The following FREM1 variants were observed in gnomAD, a reference collection of about 807,000 sequenced individuals.
FREM1 encodes FRAS1 related extracellular matrix 1.
FREM1 carries 220 observed loss-of-function variants against 210.1 expected under a neutral mutation model. That is an observed-to-expected ratio of 1.05 (90% CI 0.94 to 1.17). The LOEUF (loss-of-function observed/expected upper bound fraction) is 1.17, where lower values mean the gene tolerates loss of function less well. Ranked by LOEUF, FREM1 falls within the 50% of genes most tolerant of loss-of-function variation. The probability of loss-of-function intolerance (pLI) is 0.00; values close to 1 mark genes in which losing one functional copy is unlikely to be tolerated. For missense variants in FREM1, 3,454 were observed against 2,675.5 expected, an observed-to-expected ratio of 1.29 and a Z score of -6.42; for synonymous variants, 1,189 against 980.2, an observed-to-expected ratio of 1.21 and a Z score of -3.98.
chr9:14,796,684 G>T (rs1852456977), intron 21 of FREM1, among the ~76,000 whole-genome samples: 1 of 152,098 alleles, frequency 6.6e-6, no homozygotes, highest in Non-Finnish European at 1.5e-5. Context: ...AAGATCTGAT[G>T]GTTTTATAAG....
At chr9:14,739,830 ATAATT>A (rs534700759) in intron 36 of FREM1, among the ~76,000 whole-genome samples, 81 of 152,132 alleles carry the variant, frequency 5.3e-4, no homozygotes, top group African/African-American at 1.8e-3. Flanking sequence ...TGGCTGTACT[ATAATT>A]TATTTAACCA....
rs945940328 is a variant in FREM1 at position 14,867,533 on chromosome 9, C to T, written c.234+1211G>A. Among the ~76,000 whole-genome samples, 7 of 152,200 alleles carry T rather than the reference C, an allele frequency of 4.6e-5. No individual in the cohort carries two copies. The East Asian group carries it at 7.7e-4, about 17-fold the overall frequency. ...TCAGAAATACCTGCAAAGTGAGACC[C>T]TCTTCCAAAGAATTCTGATGTGTTT... On this transcript the variant is annotated intron_variant, in intron 2 of 36. Transcript: ENST00000380880.
chr9:14,836,716 C>T lies in FREM1; in HGVS notation c.1881+4731G>A, dbSNP rs112438314. Among the ~76,000 whole-genome samples, 3 of 152,128 alleles carry T rather than the reference C, an allele frequency of 2.0e-5. No individual in the cohort carries two copies. Among genetic ancestry groups the T allele is most frequent in the African/African-American group, 4.8e-5 (2 of 41,430 alleles). Reference sequence around the variant, plus strand: ...CTCCAAATGGTGCTGCAAACTGAACCGCATGTGGACATGCCATTCTTCCGA... The same window carrying T: ...CTCCAAATGGTGCTGCAAACTGAACTGCATGTGGACATGCCATTCTTCCGA... On this transcript the variant is annotated intron_variant, in intron 10 of 36. Transcript: ENST00000380880. The surrounding 1 kb of genome is among the most constrained non-coding windows in gnomAD (Gnocchi z 4.9).
Position 14,759,874 on chromosome 9 carries a change from T to C in FREM1, c.5232A>G (p.Glu1744=), listed in dbSNP as rs368128830. ...QILELKWSHI[E]WSQTEYEVCE... Reference sequence around the variant, plus strand: ...AGACTTCATATTCGGTCTGTGACCATTCAATATGAGACCACTTCAGTTCCA... The same window carrying C: ...AGACTTCATATTCGGTCTGTGACCACTCAATATGAGACCACTTCAGTTCCA... The change falls in exon 28 of 37, where the codon GAA becomes GAG. Residue 1744 remains glutamate, a synonymous_variant. Coordinates refer to ENST00000380880, the MANE Select transcript of FREM1 (RefSeq NM_001379081.2). 30 of 1,611,662 alleles carry C rather than the reference T, an allele frequency of 1.9e-5. No homozygotes were observed. In the African/African-American group the frequency reaches 3.3e-4, roughly 18 times the overall value.
intron 1 of FREM1, 123 bp from the exon 2 acceptor site, chr9:14,869,367 A>G (rs1461321559): frequency 5.8e-6 from 1 of 173,338 alleles, no homozygotes; most frequent in East Asian, 1.4e-4. Context: ...GCTAAATTAA[A>G]AACAAATAAA....
chr9:14,866,453 G>A (rs1831536723), intron 2 of FREM1, among the ~76,000 whole-genome samples: 1 of 152,154 alleles, frequency 6.6e-6, no homozygotes, highest in Non-Finnish European at 1.5e-5. Flanking sequence ...GCCATTTGAG[G>A]TAGGGAGAGG....
Position 14,801,888 on chromosome 9 carries a change from C to T in FREM1, c.3472-14G>A. 6.3e-7 allele frequency: 1 copy of T among 1,579,508 alleles called. No individual in the cohort carries two copies. The highest frequency in any genetic ancestry group is 8.6e-7 in the Non-Finnish European group (1 of 1,158,584). ...ACCCTCACACACCTGAGCAAGAACA[C>T]ATGAGAAAAGTCAACAATGCATAAA... On this transcript the variant is annotated splice_polypyrimidine_tract_variant and intron_variant, in intron 19 of 36. Coordinates refer to ENST00000380880, the MANE Select transcript of FREM1 (RefSeq NM_001379081.2).
At chr9:14,766,903 C>T (rs184724616) in intron 27 of FREM1, among the ~76,000 whole-genome samples, 1 of 152,286 alleles carries the variant, frequency 6.6e-6, no homozygotes. Context: ...TAGAGGCAGG[C>T]TTTCTAATCC....
chr9:14,748,587 C>T lies in FREM1; in HGVS notation c.5610G>A (p.Glu1870=), dbSNP rs762667136. 2.5e-6 allele frequency: 4 copies of T among 1,613,770 alleles called. No individual in the cohort carries two copies. Among genetic ancestry groups the T allele is most frequent in the Non-Finnish European group, 3.4e-6 (4 of 1,179,824 alleles). Residue 1870 remains glutamate, a synonymous_variant, in exon 31 of 37, where the codon GAG becomes GAA. Coordinates refer to ENST00000380880, the MANE Select transcript of FREM1 (RefSeq NM_001379081.2). The part of the protein sequence containing the change: ...SSNQSKHSTW[E]KGIWHLLPPG... ...GGGGCAGCAGATGCCAAATGCCCTT[C>T]TCCCATGTGCTGTGCTTGCTTTGGT... is the stretch of plus-strand genomic sequence containing the variant.
In FREM1 at chr9:14,770,914, C is replaced by G. The variant is rs968014922; in HGVS notation, c.4858-108G>C. 31 of 720,602 alleles carry G rather than the reference C, an allele frequency of 4.3e-5. No homozygotes were observed. In the Admixed American group the frequency reaches 7.4e-4, roughly 17 times the overall value. The allele number at this position is 720,602 out of a possible 1,614,324, so 44.6% of individuals were successfully genotyped here. On this transcript the variant is annotated intron_variant, in intron 25 of 36. Coordinates refer to ENST00000380880, the MANE Select transcript of FREM1 (RefSeq NM_001379081.2). ...ACACACTGTCCCACGTTTTGGATTC[C>G]TTATACTCCTCACTAGTGGATTCCT... is the stretch of plus-strand genomic sequence containing the variant.
At position 14,816,923 on chromosome 9, in the gene FREM1, T is replaced by C. The variant is rs1212511453; in HGVS notation, c.2547-52A>G. 16 of 611,264 alleles carry C rather than the reference T, an allele frequency of 2.6e-5. No individual in the cohort carries two copies. In the South Asian group the frequency reaches 4.8e-4, roughly 18 times the overall value. 37.9% of individuals were successfully genotyped at this position (611,264 alleles called of 1,614,324 possible). ...CTCTTAGGAACAGTGTGAGAGTAAA[T>C]TGAGATGCATGATACATGAGCTCTT... On this transcript the variant is annotated intron_variant, in intron 14 of 36. Coordinates refer to ENST00000380880, the MANE Select transcript of FREM1 (RefSeq NM_001379081.2).
intron 16 of FREM1, among the ~76,000 whole-genome samples, chr9:14,808,698 C>A (rs1046951925): frequency 3.3e-5 from 5 of 152,172 alleles, no homozygotes; most frequent in African/African-American, 1.2e-4. Flanking sequence ...AAAATAGCAA[C>A]AGTCTGTGGA....
At chr9:14,756,143 T>A (rs185515787) in intron 29 of FREM1, among the ~76,000 whole-genome samples, 1 of 152,184 alleles carries the variant, frequency 6.6e-6, no homozygotes, top group Non-Finnish European at 1.5e-5. Flanking sequence ...TCATATTTAT[T>A]ATAATCTTTC....
At chr9:14,811,043 C>T (rs983786399) in intron 16 of FREM1, among the ~76,000 whole-genome samples, 2 of 152,180 alleles carry the variant, frequency 1.3e-5, no homozygotes, top group Non-Finnish European at 2.9e-5. Context: ...AACCTCAGAT[C>T]CTACAATGCT....
chr9:14,745,745 CA>C (rs1158031146), intron 35 of FREM1, among the ~76,000 whole-genome samples: 1 of 152,170 alleles, frequency 6.6e-6, no homozygotes, highest in Non-Finnish European at 1.5e-5. Context: ...AAAGGAGGGT[CA>C]GGGATAGGTA....
intron 5 of FREM1, among the ~76,000 whole-genome samples, chr9:14,855,116 T>C (rs1828490181): frequency 6.6e-6 from 1 of 152,032 alleles, no homozygotes; most frequent in Admixed American, 6.6e-5. Context: ...CATGAAAATT[T>C]TGAAGAGAAG....
chr9:14,756,539 C>T (rs1399479103), intron 28 of FREM1, 93 bp from the exon 29 acceptor site: 2 of 833,826 alleles, frequency 2.4e-6, no homozygotes, highest in African/African-American at 3.6e-5. Context: ...TAAACTCATG[C>T]TCTTAAATCT....
At chr9:14,854,419 TAAAAGG>T (rs1333615026) in intron 5 of FREM1, among the ~76,000 whole-genome samples, 1 of 151,898 alleles carries the variant, frequency 6.6e-6, no homozygotes, top group Admixed American at 6.6e-5. Flanking sequence ...ATAGAAAGAT[TAAAAGG>T]AAAAGGGTGA....
intron 1 of FREM1, among the ~76,000 whole-genome samples, chr9:14,873,028 C>A (rs1248738370): frequency 6.6e-6 from 1 of 151,976 alleles, no homozygotes; most frequent in Non-Finnish European, 1.5e-5. Context: ...CCCACTTGAT[C>A]ATGGTGGATA....
Sources: allele counts gnomAD v4.1 joint callset (sites outside exome capture counted in the v4.1 genomes callset), GRCh38; gene constraint gnomAD v4.1.1; non-coding constraint Gnocchi (gnomAD v3.1); transcripts MANE v1.5; gene names NCBI Gene and HGNC (gene_info 2026-07-23, HGNC 2026-07-21).